Variants in DPP10 observed in about 807,000 individuals in gnomAD.
DPP10 encodes the protein dipeptidyl peptidase like 10.
DPP10 carries 33 observed loss-of-function variants against 120.9 expected under a neutral mutation model. The observed-to-expected ratio is 0.27, with a 90% CI of 0.21 to 0.37. The LOEUF is 0.37. Ranked by LOEUF, DPP10 falls within the 10% of genes least tolerant of loss-of-function variation. The pLI, the probability that DPP10 is intolerant of heterozygous loss-of-function variation, is 1.00. For missense variants in DPP10, 816 were observed against 942.8 expected, an observed-to-expected ratio of 0.87 and a Z score of 1.76; for synonymous variants, 337 against 326.1, an observed-to-expected ratio of 1.03 and a Z score of -0.36.
At chr2:114,849,400 A>G (rs1335736246) in intron 1 of DPP10, among the ~76,000 whole-genome samples, 1 of 152,120 alleles carries the variant, frequency 6.6e-6, no homozygotes, top group Non-Finnish European at 1.5e-5. Context: ...CTCAGGCTGG[A>G]ATACAGTGGC....
chr2:115,320,084 T>A (rs915712941), intron 2 of DPP10, among the ~76,000 whole-genome samples: 1 of 152,192 alleles, frequency 6.6e-6, no homozygotes, highest in African/African-American at 2.4e-5. Context: ...GATACATATA[T>A]GTTTATTATT....
At chr2:114,645,738 G>A (rs1696071190) in intron 1 of DPP10, among the ~76,000 whole-genome samples, 1 of 152,114 alleles carries the variant, frequency 6.6e-6, no homozygotes, top group African/African-American at 2.4e-5. Context: ...AGCTTGCCAA[G>A]GCAAGGGCTC....
intron 17 of DPP10, among the ~76,000 whole-genome samples, chr2:115,786,887 A>C (rs552884942): frequency 6.6e-6 from 1 of 152,198 alleles, no homozygotes; most frequent in East Asian, 1.9e-4. Flanking sequence ...ACCCTGAATC[A>C]GCTGCTGAAA....
At chr2:115,339,434 C>G (rs1257358205) in intron 2 of DPP10, among the ~76,000 whole-genome samples, 1 of 151,978 alleles carries the variant, frequency 6.6e-6, no homozygotes, top group Admixed American at 6.6e-5. Flanking sequence ...TTACATTTGA[C>G]CCAGCAACTG....
At chr2:114,506,811 A>G (rs1683703578) in intron 1 of DPP10, among the ~76,000 whole-genome samples, 1 of 152,186 alleles carries the variant, frequency 6.6e-6, no homozygotes, top group Non-Finnish European at 1.5e-5. Context: ...ATGCTTCACA[A>G]AGACAGCTCT....
chr2:115,384,413 G>T, intron 3 of DPP10, among the ~76,000 whole-genome samples: 1 of 58,140 alleles, frequency 1.7e-5, no homozygotes, highest in Non-Finnish European at 7.7e-5. Context: ...AGAAGGAGAA[G>T]AAGAAGAAGA....
intron 13 of DPP10, among the ~76,000 whole-genome samples, chr2:115,769,637 CTAAA>C: frequency 6.6e-6 from 1 of 151,818 alleles, no homozygotes; most frequent in Admixed American, 6.6e-5. Context: ...TATTTATGCT[CTAAA>C]TAAATGCATT....
chr2:115,085,438 A>G (rs1477341501), intron 1 of DPP10, among the ~76,000 whole-genome samples: 1 of 152,210 alleles, frequency 6.6e-6, no homozygotes, highest in East Asian at 1.9e-4. Flanking sequence ...CCATTCCTAT[A>G]ATAAAAGTGG....
intron 5 of DPP10, among the ~76,000 whole-genome samples, chr2:115,588,209 A>G (rs963130788): frequency 3.3e-5 from 5 of 152,284 alleles, no homozygotes; most frequent in Admixed American, 2.6e-4. Context: ...TCTGTGTGTA[A>G]GAAATATTTA....
intron 3 of DPP10, among the ~76,000 whole-genome samples, chr2:115,437,724 G>C (rs1049022710): frequency 6.6e-6 from 1 of 151,930 alleles, no homozygotes; most frequent in Non-Finnish European, 1.5e-5. Flanking sequence ...ATTATATTAA[G>C]AATATGACTA....
chr2:115,202,190 A>ATTAC (rs1183275299), intron 1 of DPP10, among the ~76,000 whole-genome samples: 9 of 152,094 alleles, frequency 5.9e-5, no homozygotes, highest in African/African-American at 2.2e-4. Context: ...CAGCCTCCTA[A>ATTAC]AGTGCTAGAA....
intron 3 of DPP10, among the ~76,000 whole-genome samples, chr2:115,354,437 T>C (rs1165459115): frequency 2.0e-5 from 3 of 152,138 alleles, no homozygotes; most frequent in Non-Finnish European, 2.9e-5. Context: ...TTTTTTGTTT[T>C]GGTTTTTAGT....
intron 1 of DPP10, among the ~76,000 whole-genome samples, chr2:115,300,741 T>A (rs904178723): frequency 6.6e-6 from 1 of 152,206 alleles, no homozygotes; most frequent in Non-Finnish European, 1.5e-5. Context: ...CTTGATTTTC[T>A]TTAGTTTGTC....
chr2:115,472,879 T>C (rs528102890), intron 3 of DPP10, among the ~76,000 whole-genome samples: 2 of 152,326 alleles, frequency 1.3e-5, no homozygotes, highest in Admixed American at 1.3e-4. Flanking sequence ...TTCAAAACGC[T>C]TGACAAAATT....
At chr2:115,096,911 TA>T (rs1251441133) in intron 1 of DPP10, among the ~76,000 whole-genome samples, 2 of 152,298 alleles carry the variant, frequency 1.3e-5, no homozygotes, top group East Asian at 3.9e-4. Context: ...TAAGAATAAA[TA>T]AATCAATAAA....
At chr2:115,764,962 A>G (rs1404377976) in intron 12 of DPP10, among the ~76,000 whole-genome samples, 5 of 152,284 alleles carry the variant, frequency 3.3e-5, no homozygotes, top group African/African-American at 1.2e-4. Flanking sequence ...AGGACTTGCA[A>G]TTGAGATGAC....
At chr2:115,568,057 A>G (rs574234028) in intron 5 of DPP10, among the ~76,000 whole-genome samples, 2 of 152,324 alleles carry the variant, frequency 1.3e-5, no homozygotes, top group Non-Finnish European at 1.5e-5. Flanking sequence ...GCAAGCCTGT[A>G]ATCCCAGCTA....
At chr2:114,533,119 A>G (rs1483661871) in intron 1 of DPP10, among the ~76,000 whole-genome samples, 2 of 152,172 alleles carry the variant, frequency 1.3e-5, no homozygotes, top group Non-Finnish European at 2.9e-5. Flanking sequence ...AAAAGTTGGT[A>G]TGAGGTGTAT....
intron 3 of DPP10, among the ~76,000 whole-genome samples, chr2:115,470,421 A>T (rs915007876): frequency 6.6e-6 from 1 of 152,146 alleles, no homozygotes; most frequent in Non-Finnish European, 1.5e-5. Flanking sequence ...CACAGAAAAA[A>T]ACCTGGCCAT....
Sources: gnomAD v4.1 joint callset for allele counts (sites outside exome capture counted in the v4.1 genomes callset) on GRCh38, gnomAD v4.1.1 for gene constraint, MANE v1.5 for transcripts, NCBI Gene and HGNC (gene_info 2026-07-23, HGNC 2026-07-21) for gene names.